Variants in IGSF21 observed in about 807,000 individuals in gnomAD.
The protein encoded by IGSF21 is immunoglobulin superfamily member 21.
A neutral mutation model predicts 46.8 loss-of-function variants in IGSF21; 28 were observed. That is an observed-to-expected ratio of 0.60 (90% CI 0.44 to 0.82). The LOEUF (loss-of-function observed/expected upper bound fraction) is 0.82, where lower values mean the gene tolerates loss of function less well. IGSF21 is among the 40% of genes least tolerant of loss of function. The pLI, the probability that IGSF21 is intolerant of heterozygous loss-of-function variation, is 0.00. For synonymous variants in IGSF21, 284 were observed against 273.6 expected (o/e 1.04, Z -0.38); for missense variants, 624 against 665.5 (o/e 0.94, Z 0.69).
intron 2 of IGSF21, among the ~76,000 whole-genome samples, chr1:18,261,572 G>A (rs2084947016): frequency 1.3e-5 from 2 of 152,150 alleles, no homozygotes; most frequent in Non-Finnish European, 1.5e-5. Context: ...ATTAAAAGTG[G>A]GTATAAATAG....
At chr1:18,168,140 A>C (rs2086698024) in intron 1 of IGSF21, among the ~76,000 whole-genome samples, 1 of 151,728 alleles carries the variant, frequency 6.6e-6, no homozygotes, top group Admixed American at 6.6e-5. Flanking sequence ...GACACGTTAA[A>C]CCCTCTGAAC....
At chr1:18,121,599 A>G (rs1338049284) in intron 1 of IGSF21, among the ~76,000 whole-genome samples, 2 of 152,194 alleles carry the variant, frequency 1.3e-5, no homozygotes, top group Non-Finnish European at 2.9e-5. Context: ...TCTGGGCAAG[A>G]CAGAGTGCAC....
At chr1:18,151,402 G>T (rs1036271482) in intron 1 of IGSF21, among the ~76,000 whole-genome samples, 4 of 152,196 alleles carry the variant, frequency 2.6e-5, no homozygotes, top group African/African-American at 9.7e-5. Context: ...TCCCTGGGAG[G>T]TTCCCCGCTG....
chr1:18,218,711 G>A (rs2084478000), intron 1 of IGSF21, among the ~76,000 whole-genome samples: 1 of 152,188 alleles, frequency 6.6e-6, no homozygotes, highest in South Asian at 2.1e-4. Context: ...AAAAACCCAT[G>A]AAAATCTCAA....
At chr1:18,166,109 A>G (rs530058446) in intron 1 of IGSF21, among the ~76,000 whole-genome samples, 8 of 152,366 alleles carry the variant, frequency 5.3e-5, no homozygotes, top group Admixed American at 4.6e-4. Flanking sequence ...AAGAAATTAA[A>G]TTTATGTTCA....
chr1:18,369,993 C>T (rs865878937), intron 6 of IGSF21, among the ~76,000 whole-genome samples: 13 of 152,154 alleles, frequency 8.5e-5, no homozygotes, highest in Admixed American at 7.9e-4. Context: ...CTCACCTTTT[C>T]CACTCTTCCC....
intron 4 of IGSF21, among the ~76,000 whole-genome samples, chr1:18,351,496 C>T (rs539335115): frequency 1.3e-5 from 2 of 152,278 alleles, no homozygotes; most frequent in African/African-American, 4.8e-5. Context: ...AGGTTTTGCA[C>T]GCTGGGGGAA....
chr1:18,358,084 G>T (rs1319365912), intron 4 of IGSF21, among the ~76,000 whole-genome samples: 2 of 151,970 alleles, frequency 1.3e-5, no homozygotes, highest in Non-Finnish European at 2.9e-5. Context: ...GGGGGGTGAA[G>T]GGTGTAAGCG....
chr1:18,299,840 GT>G (rs1226686469), intron 3 of IGSF21, among the ~76,000 whole-genome samples: 3 of 152,218 alleles, frequency 2.0e-5, no homozygotes, highest in African/African-American at 7.2e-5. Context: ...TGGGAACCTG[GT>G]CCCCCTCTCA....
chr1:18,146,393 A>T (rs1028007090), intron 1 of IGSF21, among the ~76,000 whole-genome samples: 18 of 152,086 alleles, frequency 1.2e-4, no homozygotes, highest in Non-Finnish European at 2.6e-4. Flanking sequence ...ATTCTGGGCC[A>T]TGTCGTTGGC....
chr1:18,191,568 G>A (rs1267550284), intron 1 of IGSF21, among the ~76,000 whole-genome samples: 1 of 152,034 alleles, frequency 6.6e-6, no homozygotes, highest in Non-Finnish European at 1.5e-5. Flanking sequence ...GCTGGGCAGG[G>A]GATACACGGG....
At position 18,208,221 on chromosome 1, in the gene IGSF21, C is replaced by T. The variant is rs11800074; in HGVS notation, c.71-19677C>T. ...TGGGCATGCTGAAAGCAACCTTCAC[C>T]TTCTTCATAACCCACCTGATCTCCT... On this transcript the variant is annotated intron_variant, in intron 1 of 9. Transcript: ENST00000251296. Among the ~76,000 whole-genome samples the T allele has an allele frequency of 7.4e-3, 1,119 of 151,364 alleles. 8 individuals are homozygous for T. Among genetic ancestry groups the T allele is most frequent in the Middle Eastern group, 0.035 (10 of 288 alleles).
intron 1 of IGSF21, among the ~76,000 whole-genome samples, chr1:18,126,219 C>T (rs1373744036): frequency 7.0e-6 from 1 of 142,954 alleles, no homozygotes; most frequent in African/African-American, 2.6e-5. Flanking sequence ...AGAGCTCGCT[C>T]GCTTTGGCTC....
rs144065209 is a variant in IGSF21 at position 18,221,486 on chromosome 1, G to T, written c.71-6412G>T. On this transcript the variant is annotated intron_variant, in intron 1 of 9. Transcript: ENST00000251296. The stretch of plus-strand genomic sequence containing the variant: ...ACACATCCCCTTGGAGCTGGGAAAG[G>T]GCGGGGAGTGATGTCGGGATGTTGC... Among the ~76,000 whole-genome samples the T allele has an allele frequency of 2.8e-3, 425 of 152,292 alleles. 4 individuals carry two copies. Among genetic ancestry groups the T allele is most frequent in the Non-Finnish European group, 4.6e-3 (313 of 68,030 alleles).
At chr1:18,338,192 A>G (rs2085791611) in intron 4 of IGSF21, among the ~76,000 whole-genome samples, 1 of 152,204 alleles carries the variant, frequency 6.6e-6, no homozygotes, top group Non-Finnish European at 1.5e-5. Context: ...TGGATGATCA[A>G]TAAATAGTAT....
intron 4 of IGSF21, among the ~76,000 whole-genome samples, chr1:18,356,114 C>T (rs2086015597): frequency 6.6e-6 from 1 of 152,192 alleles, no homozygotes; most frequent in Non-Finnish European, 1.5e-5. Context: ...GGATTACGGG[C>T]ATCAGCCCCT....
intron 3 of IGSF21, among the ~76,000 whole-genome samples, chr1:18,307,395 C>G (rs1279645317): frequency 6.6e-6 from 1 of 152,144 alleles, no homozygotes; most frequent in Non-Finnish European, 1.5e-5. Flanking sequence ...TAGCATATGC[C>G]CTGCTCTGCT....
At chr1:18,330,507 G>A (rs2085701380) in intron 3 of IGSF21, among the ~76,000 whole-genome samples, 1 of 152,026 alleles carries the variant, frequency 6.6e-6, no homozygotes, top group Non-Finnish European at 1.5e-5. Context: ...CTGGAGGAAG[G>A]GGCAGGGGCG....
chr1:18,196,603 C>G (rs1385548650), intron 1 of IGSF21, among the ~76,000 whole-genome samples: 2 of 152,226 alleles, frequency 1.3e-5, no homozygotes, highest in Non-Finnish European at 2.9e-5. Flanking sequence ...TGAGCACTGT[C>G]TAGTTGACAG....
Sources: gnomAD v4.1 joint callset for allele counts (sites outside exome capture counted in the v4.1 genomes callset) on GRCh38, gnomAD v4.1.1 for gene constraint, MANE v1.5 for transcripts, NCBI Gene and HGNC (gene_info 2026-07-23, HGNC 2026-07-21) for gene names.